Variants in SH3RF2 observed in about 807,000 individuals in gnomAD.
SH3RF2 encodes the protein E3 ubiquitin-protein ligase SH3RF2.
SH3RF2 carries 43 observed loss-of-function variants against 59.0 expected under a neutral mutation model. That is an observed-to-expected ratio of 0.73 (90% CI 0.57 to 0.94). The LOEUF (loss-of-function observed/expected upper bound fraction) is 0.94, where lower values mean the gene tolerates loss of function less well. Among genes scored for constraint, SH3RF2 ranks in the 40% least tolerant of loss-of-function variants. The pLI, the probability that SH3RF2 is intolerant of heterozygous loss-of-function variation, is 0.00. For missense variants in SH3RF2, 930 were observed against 940.1 expected, an observed-to-expected ratio of 0.99 and a Z score of 0.14; for synonymous variants, 391 against 391.5, an observed-to-expected ratio of 1.00 and a Z score of 0.01.
intron 2 of SH3RF2, among the ~76,000 whole-genome samples, chr5:145,960,880 A>C (rs1359323833): frequency 6.6e-6 from 1 of 152,232 alleles, no homozygotes; most frequent in Non-Finnish European, 1.5e-5. Context: ...CCCAACAGGC[A>C]AGACAGCTAG....
chr5:145,963,937 A>T (rs1758744605), intron 2 of SH3RF2, among the ~76,000 whole-genome samples: 1 of 149,450 alleles, frequency 6.7e-6, no homozygotes, highest in South Asian at 2.1e-4. Flanking sequence ...GATTCACGCC[A>T]TTCTCCTGCC....
At position 146,044,998 on chromosome 5, in the gene SH3RF2, C is replaced by A. The variant is rs187494945; in HGVS notation, c.1060-2774C>A. On this transcript the variant is annotated intron_variant, in intron 5 of 9. Transcript: ENST00000359120. ...ATGAAAAGATGGCTTTGCATTCTGGCCTTTTCTGCCTCCCTAAAGGATTAA... is the reference window on the plus strand; with the variant it reads ...ATGAAAAGATGGCTTTGCATTCTGGACTTTTCTGCCTCCCTAAAGGATTAA... Among the ~76,000 whole-genome samples, 16 of 152,304 alleles carry A rather than the reference C, an allele frequency of 1.1e-4. No homozygotes were observed. In the East Asian group the frequency reaches 3.1e-3, roughly 29 times the overall value.
At chr5:146,051,240 A>G (rs1407155670) in intron 7 of SH3RF2, among the ~76,000 whole-genome samples, 1 of 152,204 alleles carries the variant, frequency 6.6e-6, no homozygotes, top group Non-Finnish European at 1.5e-5. Flanking sequence ...CAGAATGGTA[A>G]TGGGGTAGCC....
chr5:146,011,488 A>C (rs1580856450), intron 4 of SH3RF2, among the ~76,000 whole-genome samples: 1 of 152,162 alleles, frequency 6.6e-6, no homozygotes, highest in African/African-American at 2.4e-5. Flanking sequence ...CCGTTTTCAC[A>C]ATATTGATTC....
At chr5:145,976,146 G>A (rs143997001) in intron 2 of SH3RF2, among the ~76,000 whole-genome samples, 1,762 of 152,260 alleles carry the variant, frequency 0.012, 35 homozygotes, top group African/African-American at 0.041. Context: ...TTCACATAAT[G>A]CTACATAAAG....
downstream of SH3RF2, among the ~76,000 whole-genome samples, chr5:146,065,035 A>T (rs980810971): frequency 2.0e-5 from 3 of 152,154 alleles, no homozygotes; most frequent in African/African-American, 7.2e-5. Flanking sequence ...AGACCTTAAT[A>T]AAACAAAACA....
chr5:146,054,458 A>G (rs1762599626), intron 7 of SH3RF2, among the ~76,000 whole-genome samples: 1 of 152,210 alleles, frequency 6.6e-6, no homozygotes, highest in Admixed American at 6.5e-5. Context: ...TGTTCAAAAG[A>G]CAGGCAGATC....
At chr5:146,073,559 A>G (rs1311838753) in intron 9 of SH3RF2, among the ~76,000 whole-genome samples, 11 of 152,196 alleles carry the variant, frequency 7.2e-5, no homozygotes, top group Non-Finnish European at 1.2e-4. Flanking sequence ...ATTATGACCT[A>G]TGGGCTCCAG....
intron 9 of SH3RF2, 80 bp downstream of exon 9, chr5:146,060,304 T>C: frequency 7.2e-7 from 1 of 1,389,292 alleles, no homozygotes; most frequent in Admixed American, 2.5e-5. Flanking sequence ...GATTTTAGTG[T>C]TGGTGAACAA....
intron 1 of SH3RF2, chr5:145,936,989 C>T (rs753999244): frequency 2.6e-5 from 4 of 152,172 alleles, no homozygotes; most frequent in Admixed American, 6.5e-5. Flanking sequence ...TACACACACA[C>T]ACGACCCCTA....
At chr5:146,007,426 G>A (rs1760691628) in intron 4 of SH3RF2, among the ~76,000 whole-genome samples, 1 of 152,206 alleles carries the variant, frequency 6.6e-6, no homozygotes, top group Non-Finnish European at 1.5e-5. Flanking sequence ...CAGTGGCAGA[G>A]CCATCTGCTG....
chr5:145,940,218 C>T (rs755577378), intron 2 of SH3RF2, among the ~76,000 whole-genome samples: 4 of 152,228 alleles, frequency 2.6e-5, no homozygotes, highest in Non-Finnish European at 5.9e-5. Flanking sequence ...CTCCTGTGTT[C>T]AGGCAGGACC....
At chr5:146,068,962 C>T (rs1268607912) in intron 9 of SH3RF2, among the ~76,000 whole-genome samples, 1 of 152,076 alleles carries the variant, frequency 6.6e-6, no homozygotes, top group African/African-American at 2.4e-5. Flanking sequence ...CCACTGTGTG[C>T]CTCTCCCAGT....
At chr5:145,967,130 T>C (rs1758888674) in intron 2 of SH3RF2, among the ~76,000 whole-genome samples, 1 of 152,232 alleles carries the variant, frequency 6.6e-6, no homozygotes, top group Non-Finnish European at 1.5e-5. Flanking sequence ...ATCATCCTAT[T>C]GAAACAATGA....
chr5:145,986,526 G>T (rs957272435), intron 2 of SH3RF2, among the ~76,000 whole-genome samples: 4 of 152,130 alleles, frequency 2.6e-5, no homozygotes, highest in Admixed American at 6.6e-5. Flanking sequence ...CATCCTTCAG[G>T]CTCCCACGTA....
chr5:145,993,053 A>G (rs1361238540), intron 2 of SH3RF2, among the ~76,000 whole-genome samples: 1 of 152,122 alleles, frequency 6.6e-6, no homozygotes, highest in Admixed American at 6.6e-5. Flanking sequence ...CATTGGGTGA[A>G]TACAGCCATT....
At position 146,029,904 on chromosome 5, in the gene SH3RF2, A is replaced by G. The variant is rs146555016; in HGVS notation, c.1059+15843A>G. On this transcript the variant is annotated intron_variant, in intron 5 of 9. Coordinates refer to ENST00000359120, the MANE Select transcript of SH3RF2 (RefSeq NM_152550.4). ...ATGCACAAGCTTTGGGATATGTAAT[A>G]TCCATTCTTCTCCCTCTCTTCCCAT... Among the ~76,000 whole-genome samples the G allele has an allele frequency of 1.6e-3, 248 of 152,340 alleles. 1 individual carries two copies. Among genetic ancestry groups the G allele is most frequent in the African/African-American group, 5.6e-3 (234 of 41,572 alleles).
intron 2 of SH3RF2, among the ~76,000 whole-genome samples, chr5:145,975,149 G>C (rs1278954620): frequency 1.3e-5 from 2 of 152,184 alleles, no homozygotes; most frequent in Admixed American, 6.5e-5. Flanking sequence ...AGGCAGCCAG[G>C]CCAGGGCCTG....
intron 2 of SH3RF2, among the ~76,000 whole-genome samples, chr5:145,974,933 TA>T (rs948969527): frequency 6.6e-6 from 1 of 152,118 alleles, no homozygotes; most frequent in African/African-American, 2.4e-5. Context: ...ACCACCCAAT[TA>T]AAAAAATAGA....
Sources: allele counts gnomAD v4.1 joint callset (sites outside exome capture counted in the v4.1 genomes callset), GRCh38; gene constraint gnomAD v4.1.1; transcripts MANE v1.5; gene names NCBI Gene and HGNC (gene_info 2026-07-23, HGNC 2026-07-21).